Variants in OSBP observed in about 807,000 individuals in gnomAD.
OSBP encodes oxysterol-binding protein 1.
Under a neutral mutation model 96.6 loss-of-function variants are expected in OSBP, and 32 were observed. The ratio of observed to expected loss-of-function variants is 0.33; its 90% CI spans 0.25 to 0.45. The LOEUF (loss-of-function observed/expected upper bound fraction) is 0.45, where lower values mean the gene tolerates loss of function less well. Ranked by LOEUF, OSBP falls within the 20% of genes least tolerant of loss-of-function variation. The pLI is 1.00. For missense variants in OSBP, 653 were observed against 1,029.7 expected, an observed-to-expected ratio of 0.63 and a Z score of 5.01; for synonymous variants, 369 against 389.6, an observed-to-expected ratio of 0.95 and a Z score of 0.62.
chr11:59,608,502 T>TTA lies in OSBP; in HGVS notation c.803_804insTA (p.Ser269AsnfsTer5). 1 of 1,614,186 alleles carries TTA rather than the reference T, an allele frequency of 6.2e-7. No individual in the cohort carries two copies. The highest frequency in any genetic ancestry group is 8.5e-7 in the Non-Finnish European group (1 of 1,180,028). On this transcript the variant is annotated frameshift_variant, in exon 3 of 14. Transcript: ENST00000263847. LOFTEE classifies it high-confidence loss of function. ...CACTCACGTTGATCATGGCATTGGA[T>TTA]GTTATCCTAAAGAGTGTGGCTCGTT... is the stretch of plus-strand genomic sequence containing the variant.
intron 9 of OSBP, among the ~76,000 whole-genome samples, chr11:59,586,775 A>T (rs1374166949): frequency 6.6e-6 from 1 of 152,214 alleles, no homozygotes; most frequent in Non-Finnish European, 1.5e-5. Context: ...GGGTGCCAAG[A>T]CCACTCAATG....
intron 3 of OSBP, 55 bp from the exon 4 acceptor site, chr11:59,601,893 G>A (rs1860729596): frequency 2.0e-6 from 3 of 1,530,234 alleles, no homozygotes; most frequent in Non-Finnish European, 2.7e-6. Context: ...TTTCCCCTCA[G>A]GCTTCTGCAA....
In OSBP at chr11:59,615,399, G is replaced by A; in HGVS notation, c.266C>T (p.Ser89Leu). ...TTTGAAGAGCCAGCCCTCTCGAGCC[G>A]AGCCCGAACCCCCAGCGCCCGAGCC... is the stretch of plus-strand genomic sequence containing the variant. ...SGGSGAGGSG[S>L]AREGWLFKWT... The change falls in exon 1 of 14, where the codon TCG becomes TTG. Residue 89 changes from serine to leucine, a missense_variant. Transcript: ENST00000263847. The A allele has an allele frequency of 6.4e-7, 1 of 1,567,658 alleles. No homozygotes were observed. Among genetic ancestry groups the A allele is most frequent in the Non-Finnish European group, 8.7e-7 (1 of 1,155,306 alleles).
rs542862157 is a variant in OSBP at position 59,576,108 on chromosome 11, A to G, written c.*469T>C. ...CTAAGCTCCACTGCAACCATTCACA[A>G]TGCCTCCATTGGTAAGTCTTATGTG... On this transcript the variant is annotated 3_prime_UTR_variant, in exon 14 of 14. Coordinates refer to ENST00000263847, the MANE Select transcript of OSBP (RefSeq NM_002556.3). 2.8e-4 allele frequency: 44 copies of G among 159,524 alleles called. No homozygotes were observed. Among genetic ancestry groups the G allele is most frequent in the Admixed American group, 1.8e-4 (3 of 16,234 alleles). 9.9% of individuals were successfully genotyped at this position (159,524 alleles called of 1,614,324 possible). A position where few individuals can be genotyped will look rare whatever the true frequency, so the allele number is the denominator to read the frequency against.
chr11:59,598,368 G>C (rs1244688906), intron 7 of OSBP, among the ~76,000 whole-genome samples: 2 of 152,094 alleles, frequency 1.3e-5, no homozygotes, highest in African/African-American at 2.4e-5. Context: ...TATTTTTGTA[G>C]GCTTAGTAGC....
intron 2 of OSBP, among the ~76,000 whole-genome samples, chr11:59,608,996 C>T (rs1245481688): frequency 6.6e-6 from 1 of 152,198 alleles, no homozygotes; most frequent in African/African-American, 2.4e-5. Context: ...AGGCAAAGCC[C>T]AGGAATCTGC....
chr11:59,582,255 A>C (rs1303893664), intron 9 of OSBP, among the ~76,000 whole-genome samples: 4 of 152,208 alleles, frequency 2.6e-5, no homozygotes, highest in Admixed American at 2.6e-4. Context: ...GTGATTAGAG[A>C]CAGGGTTTTG....
chr11:59,588,245 AT>A (rs928262056), intron 9 of OSBP, among the ~76,000 whole-genome samples: 5 of 152,216 alleles, frequency 3.3e-5, no homozygotes, highest in Non-Finnish European at 7.4e-5. Flanking sequence ...ATAGAAAATT[AT>A]TTTTTGGCTG....
intron 1 of OSBP, among the ~76,000 whole-genome samples, chr11:59,610,867 C>T (rs1860835392): frequency 6.6e-6 from 1 of 150,614 alleles, no homozygotes; most frequent in Non-Finnish European, 1.5e-5. Flanking sequence ...CTTTACAGGC[C>T]GGGCACCCGT....
chr11:59,585,988 C>T (rs1860495232), intron 9 of OSBP, among the ~76,000 whole-genome samples: 1 of 151,924 alleles, frequency 6.6e-6, no homozygotes, highest in African/African-American at 2.4e-5. Flanking sequence ...TAAGAGTCGT[C>T]ACCACTCCCT....
At position 59,615,543 on chromosome 11, in the gene OSBP, G is replaced by T; in HGVS notation, c.122C>A (p.Pro41Gln). The change falls in exon 1 of 14, where the codon CCA (proline) becomes CAA (glutamine). Residue 41 changes from proline to glutamine, a missense_variant. By Grantham distance (76) the Pro-to-Gln change is moderately conservative. Coordinates refer to ENST00000263847, the MANE Select transcript of OSBP (RefSeq NM_002556.3). ...GGGGGRGDAG[P>Q]GSGAASGTVV... ...CGTCCCTGACGCGGCCCCGGAGCCT[G>T]GCCCCGCATCTCCGCGGCCGCCGCC... 2 of 1,344,496 alleles carry T rather than the reference G, an allele frequency of 1.5e-6. No homozygotes were observed. The highest frequency in any genetic ancestry group is 5.6e-4 in the Middle Eastern group (2 of 3,592). 83.3% of individuals were successfully genotyped at this position (1,344,496 alleles called of 1,614,324 possible).
chr11:59,577,134 A>G, intron 12 of OSBP, 109 bp from the exon 13 acceptor site: 1 of 842,562 alleles, frequency 1.2e-6, no homozygotes, highest in Non-Finnish European at 1.8e-6. Context: ...GCTGTTCTAC[A>G]AAAACAGGAT....
chr11:59,580,400 AGCCTTG>A (rs1860406872), intron 10 of OSBP, 131 bp from the exon 11 acceptor site: 1 of 659,662 alleles, frequency 1.5e-6, no homozygotes, highest in Non-Finnish European at 2.6e-6. Context: ...GATCTTAGCT[AGCCTTG>A]GGAATGCTAT....
chr11:59,589,952 T>A (rs779241212), intron 9 of OSBP, among the ~76,000 whole-genome samples: 1 of 151,812 alleles, frequency 6.6e-6, no homozygotes, highest in African/African-American at 2.4e-5. Context: ...CACTGCACTC[T>A]AGCCTGGGTG....
chr11:59,581,394 T>C, intron 10 of OSBP, 57 bp downstream of exon 10: 1 of 974,712 alleles, frequency 1.0e-6, no homozygotes, highest in Non-Finnish European at 1.6e-6. Flanking sequence ...ACTGCAGAAA[T>C]ATACCTAAAG....
At chr11:59,578,948 T>A (rs1182526133) in intron 11 of OSBP, among the ~76,000 whole-genome samples, 2 of 152,246 alleles carry the variant, frequency 1.3e-5, no homozygotes, top group Admixed American at 1.3e-4. Context: ...ACTCTTTTAG[T>A]TATTTTAAAA....
At chr11:59,587,283 T>C (rs559139652) in intron 9 of OSBP, among the ~76,000 whole-genome samples, 5 of 152,066 alleles carry the variant, frequency 3.3e-5, no homozygotes, top group Non-Finnish European at 7.4e-5. Context: ...GGCAGATCAC[T>C]TGAGGTCAGG....
intron 9 of OSBP, among the ~76,000 whole-genome samples, chr11:59,592,467 C>T (rs1047073486): frequency 2.6e-5 from 4 of 152,182 alleles, no homozygotes; most frequent in South Asian, 4.1e-4. Flanking sequence ...AGCTATACCT[C>T]GTGAAAGACT....
chr11:59,608,296 T>G (rs919910464), intron 3 of OSBP, among the ~76,000 whole-genome samples, 188 bp downstream of exon 3: 8 of 152,216 alleles, frequency 5.3e-5, no homozygotes, highest in Non-Finnish European at 1.2e-4. Context: ...AAGCAGAGCA[T>G]GAAAGTCATT....
Sources: allele counts gnomAD v4.1 joint callset (sites outside exome capture counted in the v4.1 genomes callset), GRCh38; gene constraint gnomAD v4.1.1; transcripts MANE v1.5; gene names NCBI Gene and HGNC (gene_info 2026-07-23, HGNC 2026-07-21).